ITSN1: variants seen among roughly 807,000 people sequenced by gnomAD.
ITSN1 encodes intersectin 1, also known as intersectin-1.
In ITSN1, 58 loss-of-function variants were observed where a neutral mutation model predicts 239.8. The observed-to-expected ratio is 0.24, with a 90% confidence interval of 0.20 to 0.30. The LOEUF (loss-of-function observed/expected upper bound fraction) is 0.30, where lower values mean the gene tolerates loss of function less well. Ranked by LOEUF, ITSN1 falls within the 10% of genes least tolerant of loss-of-function variation. The probability of loss-of-function intolerance (pLI) is 1.00; values close to 1 mark genes in which losing one functional copy is unlikely to be tolerated. For missense variants in ITSN1, 1,558 were observed against 2,103.3 expected, an observed-to-expected ratio of 0.74 and a Z score of 5.07; for synonymous variants, 780 against 770.8, an observed-to-expected ratio of 1.01 and a Z score of -0.20.
intron 20 of ITSN1, among the ~76,000 whole-genome samples, chr21:33,810,716 C>T (rs1328715170): frequency 6.6e-6 from 1 of 152,142 alleles, no homozygotes; most frequent in Non-Finnish European, 1.5e-5. Flanking sequence ...GGCACTTTGT[C>T]TCAACTGCCA....
chr21:33,736,598 T>C (rs1216669197), intron 5 of ITSN1, among the ~76,000 whole-genome samples: 1 of 152,220 alleles, frequency 6.6e-6, no homozygotes, highest in Non-Finnish European at 1.5e-5. Context: ...TGTTTAGCCT[T>C]TAGTTAACCA....
chr21:33,756,333 T>C (rs2067915247), intron 8 of ITSN1, among the ~76,000 whole-genome samples: 1 of 150,998 alleles, frequency 6.6e-6, no homozygotes, highest in Non-Finnish European at 1.5e-5. Flanking sequence ...AAGCATAACT[T>C]TAATGAAAGA....
At chr21:33,767,925 T>C in intron 11 of ITSN1, 97 bp downstream of exon 11, 1 of 625,900 alleles carries the variant, frequency 1.6e-6, no homozygotes, top group Non-Finnish European at 2.7e-6. Flanking sequence ...ATAAATTTAG[T>C]TTTTGACATT....
intron 5 of ITSN1, among the ~76,000 whole-genome samples, chr21:33,744,003 A>G (rs533270741): frequency 2.0e-5 from 3 of 152,350 alleles, no homozygotes; most frequent in South Asian, 2.1e-4. Context: ...GCTTCAGACA[A>G]TCAAAATAGC....
rs1845481894 is a variant in ITSN1 at position 33,642,505 on chromosome 21, AG to A, written c.-240del. ...GCGAGGGAGGGAGCGAAGGAGGTAG[AG>A]AAGAGTGGAGGCGCCAGGGGAGGGA... On this transcript the variant is annotated 5_prime_UTR_variant, in exon 1 of 40. Transcript: ENST00000381318. 1 of 152,406 alleles carries A rather than the reference AG, an allele frequency of 6.6e-6. No individual in the cohort carries two copies. 9.4% of individuals were successfully genotyped at this position (152,406 alleles called of 1,614,324 possible).
intron 4 of ITSN1, among the ~76,000 whole-genome samples, chr21:33,723,487 G>A (rs1056367864): frequency 4.6e-5 from 7 of 152,140 alleles, no homozygotes; most frequent in Middle Eastern, 3.4e-3. Flanking sequence ...GGTGGCGGGC[G>A]CCTGTAGTCC....
rs150878801 is a variant in ITSN1 at position 33,729,227 on chromosome 21, G to C, written c.186-5817G>C. Among the ~76,000 whole-genome samples the C allele has an allele frequency of 1.8e-3, 276 of 152,214 alleles. 1 individual carries two copies. Among genetic ancestry groups the C allele is most frequent in the African/African-American group, 6.5e-3 (270 of 41,530 alleles). ...GCACTTTGGGAGGTCGAGGCAGGAGGATCACTTGAGCCCAGGAGTTTGAGA... is the reference window on the plus strand; with the variant it reads ...GCACTTTGGGAGGTCGAGGCAGGAGCATCACTTGAGCCCAGGAGTTTGAGA... On this transcript the variant is annotated intron_variant, in intron 4 of 39. Coordinates refer to ENST00000381318, the MANE Select transcript of ITSN1 (RefSeq NM_003024.3).
At chr21:33,756,985 C>CA (rs1048437733) in intron 8 of ITSN1, 1 of 152,144 alleles carries the variant, frequency 6.6e-6, no homozygotes. Context: ...AGGCTGGTCT[C>CA]AAACTCCTGA....
At chr21:33,756,439 G>T (rs1349438415) in intron 8 of ITSN1, among the ~76,000 whole-genome samples, 2 of 152,130 alleles carry the variant, frequency 1.3e-5, no homozygotes, top group East Asian at 3.9e-4. Flanking sequence ...TAGGTTTCCT[G>T]TGTGGTGGAG....
intron 1 of ITSN1, among the ~76,000 whole-genome samples, chr21:33,647,095 A>G (rs1450650669): frequency 6.6e-6 from 1 of 152,244 alleles, no homozygotes; most frequent in East Asian, 1.9e-4. Flanking sequence ...GCTATCAAAT[A>G]TGTATTAATA....
At chr21:33,727,702 C>T (rs948223655) in intron 4 of ITSN1, among the ~76,000 whole-genome samples, 5 of 152,012 alleles carry the variant, frequency 3.3e-5, no homozygotes, top group East Asian at 3.9e-4. Context: ...TAGCTCATGG[C>T]GTTGAACTAA....
chr21:33,659,387 G>A (rs2089360828), intron 1 of ITSN1, among the ~76,000 whole-genome samples: 1 of 152,130 alleles, frequency 6.6e-6, no homozygotes, highest in South Asian at 2.1e-4. Context: ...AGTGGAGTTA[G>A]GGGAACCCCT....
intron 4 of ITSN1, among the ~76,000 whole-genome samples, chr21:33,729,456 A>G (rs1204393749): frequency 6.6e-6 from 1 of 151,870 alleles, no homozygotes; most frequent in African/African-American, 2.4e-5. Flanking sequence ...TCAAACAAAC[A>G]AACAAATAAA....
At chr21:33,740,146 G>A (rs986992082) in intron 5 of ITSN1, among the ~76,000 whole-genome samples, 1 of 152,144 alleles carries the variant, frequency 6.6e-6, no homozygotes, top group African/African-American at 2.4e-5. Context: ...GAAGAGGAAT[G>A]GTTTTAAAGG....
chr21:33,856,842 G>A lies in ITSN1; in HGVS notation c.3768G>A (p.Leu1256=), dbSNP rs1979432281. The A allele has an allele frequency of 6.2e-7, 1 of 1,614,112 alleles. No homozygotes were observed. The highest frequency in any genetic ancestry group is 1.3e-5 in the African/African-American group (1 of 75,038). The change falls in exon 30 of 40, where the codon CTG becomes CTA. Residue 1256 remains leucine (L), a synonymous_variant. Transcript: ENST00000381318. ...IVTEENYVND[L]QLVTEIFQKP... ...CCGAGGAGAACTATGTGAATGACCT[G>A]CAGCTGGTCACAGAGGTAAGGGAGC...
At chr21:33,784,263 T>C (rs2070443081) in intron 16 of ITSN1, among the ~76,000 whole-genome samples, 1 of 150,582 alleles carries the variant, frequency 6.6e-6, no homozygotes. Flanking sequence ...AGCAAGTGGA[T>C]CATTCGAGAC....
At chr21:33,748,679 C>G (rs114054127) in intron 5 of ITSN1, among the ~76,000 whole-genome samples, 1 of 150,066 alleles carries the variant, frequency 6.7e-6, no homozygotes, top group African/African-American at 2.5e-5. Context: ...ATCTCTACCG[C>G]CCCACCAAAA....
At position 33,883,629 on chromosome 21, in the gene ITSN1, T is replaced by C; in HGVS notation, c.4634T>C (p.Ile1545Thr). 4 of 1,613,768 alleles carry C rather than the reference T, an allele frequency of 2.5e-6. No individual in the cohort carries two copies. Among genetic ancestry groups the C allele is most frequent in the South Asian group, 1.1e-5 (1 of 91,080 alleles). ...GDEPIFHISHIDRVYTLRAES... is the reference protein window; with the variant it reads ...GDEPIFHISHTDRVYTLRAES... ...GAGCCCATCTTCCACATCTCCCACA[T>C]TGACCGCGTCTATACTCTCCGAGCA... The change falls in exon 36 of 40, where the codon ATT becomes ACT. Residue 1545 changes from isoleucine to threonine, a missense_variant. Ile to Thr is a moderately conservative substitution (Grantham distance 89). This residue lies in a region of ITSN1 where 576 missense variants were observed against 893.3 expected (regional missense o/e 0.64). Transcript: ENST00000381318.
intron 4 of ITSN1, 64 bp downstream of exon 4, chr21:33,722,715 C>A: frequency 1.4e-6 from 2 of 1,436,514 alleles, no homozygotes; most frequent in Non-Finnish European, 1.9e-6. Flanking sequence ...TCGTTTTGTT[C>A]TATTTGGTAA....
Sources: allele counts gnomAD v4.1 joint callset (sites outside exome capture counted in the v4.1 genomes callset), GRCh38; gene constraint gnomAD v4.1.1; regional missense constraint gnomAD v4.1.1; transcripts MANE v1.5; gene names NCBI Gene and HGNC (gene_info 2026-07-23, HGNC 2026-07-21).